NFIA: variants seen among roughly 807,000 people sequenced by gnomAD.
The protein encoded by NFIA is nuclear factor 1 A-type.
In NFIA, 8 loss-of-function variants were observed where a neutral mutation model predicts 62.8. The observed-to-expected ratio is 0.13, with a 90% CI of 0.07 to 0.23. The LOEUF (loss-of-function observed/expected upper bound fraction) is 0.23, where lower values mean the gene tolerates loss of function less well. Ranked by LOEUF, NFIA falls within the 10% of genes least tolerant of loss-of-function variation. The pLI is 1.00. For synonymous variants in NFIA, 235 were observed against 238.1 expected (o/e 0.99, Z 0.12); for missense variants, 410 against 642.1 (o/e 0.64, Z 3.91).
intron 2 of NFIA, among the ~76,000 whole-genome samples, chr1:61,093,017 A>G (rs1397310558): frequency 2.0e-5 from 3 of 152,198 alleles, no homozygotes; most frequent in African/African-American, 7.2e-5. Flanking sequence ...TGCATATAGA[A>G]TATTATAATT....
At chr1:61,177,111 A>G (rs2100556184) in intron 2 of NFIA, among the ~76,000 whole-genome samples, 1 of 147,596 alleles carries the variant, frequency 6.8e-6, no homozygotes, top group East Asian at 2.0e-4. Context: ...GTCTCAACCA[A>G]AAAAAAAAAA....
chr1:61,145,891 A>C (rs926500156), intron 2 of NFIA, among the ~76,000 whole-genome samples: 1 of 152,026 alleles, frequency 6.6e-6, no homozygotes, highest in African/African-American at 2.4e-5. Flanking sequence ...ATTTAATTCA[A>C]CTCTTCTTTG....
At chr1:61,385,720 C>T (rs1447199689) in intron 7 of NFIA, among the ~76,000 whole-genome samples, 1 of 152,134 alleles carries the variant, frequency 6.6e-6, no homozygotes, top group African/African-American at 2.4e-5. Flanking sequence ...TAAAATGACC[C>T]ACGCTGGGTT....
chr1:61,251,445 A>G (rs1277110892), intron 2 of NFIA: 2 of 152,154 alleles, frequency 1.3e-5, no homozygotes, highest in African/African-American at 4.8e-5. Context: ...CTTTATTTTT[A>G]TTGCTAGACA....
Position 61,346,356 on chromosome 1 carries a change from G to A in NFIA, c.701-6094G>A, listed in dbSNP as rs116069180. On this transcript the variant is annotated intron_variant, in intron 4 of 10. Coordinates refer to ENST00000403491, the MANE Select transcript of NFIA (RefSeq NM_001134673.4). ...TCAAAAACCCAATGTGATAACCTGG[G>A]CAGGCCAGAATTTATGTGACATTGG... is the stretch of plus-strand genomic sequence containing the variant. Among the ~76,000 whole-genome samples, 551 of 152,292 alleles carry A rather than the reference G, an allele frequency of 3.6e-3. 3 individuals are homozygous for A. The highest frequency in any genetic ancestry group is 0.012 in the African/African-American group (517 of 41,570).
rs1668589324 is a variant in NFIA, at chr1:61,462,608, T to G, written c.*7288T>G. On this transcript the variant is annotated 3_prime_UTR_variant, in exon 11 of 11. Coordinates refer to ENST00000403491, the MANE Select transcript of NFIA (RefSeq NM_001134673.4). ...AAATTTGTAATTGGTTGAGAATCAC[T>G]GTGGGCGTCCATTCTTATTCAACTA... 1 of 152,268 alleles carries G rather than the reference T, an allele frequency of 6.6e-6. No homozygotes were observed. Among genetic ancestry groups the G allele is most frequent in the South Asian group, 2.1e-4 (1 of 4,832 alleles). The allele number at this position is 152,268 out of a possible 1,614,324, so 9.4% of individuals were successfully genotyped here.
intron 3 of NFIA, among the ~76,000 whole-genome samples, chr1:61,327,162 G>T (rs2100380747): frequency 6.7e-6 from 1 of 148,932 alleles, no homozygotes; most frequent in African/African-American, 2.5e-5. Context: ...CTCAGTTTTA[G>T]TTTAAACTAT....
chr1:61,436,869 G>A (rs1311539223), intron 10 of NFIA, among the ~76,000 whole-genome samples: 1 of 152,150 alleles, frequency 6.6e-6, no homozygotes, highest in Non-Finnish European at 1.5e-5. Flanking sequence ...ACTTCTAATT[G>A]GCTTTTCACT....
Position 61,406,546 on chromosome 1 carries a change from C to CCG in NFIA, c.1255-15_1255-14insGC, listed in dbSNP as rs1665833573. 3 of 581,976 alleles carry CCG rather than the reference C, an allele frequency of 5.2e-6. No homozygotes were observed. Among genetic ancestry groups the CCG allele is most frequent in the Non-Finnish European group, 5.0e-6 (2 of 401,122 alleles). 36.1% of individuals were successfully genotyped at this position (581,976 alleles called of 1,614,324 possible). A position where few individuals can be genotyped will look rare whatever the true frequency, so the allele number is the denominator to read the frequency against. On this transcript the variant is annotated splice_polypyrimidine_tract_variant and intron_variant, in intron 8 of 10. Transcript: ENST00000403491. ...TTTTCTTGTACGTGTGTTTTCTGCC[C>CCG]CCCCCCCCCCCACAGCCCAATGGGA...
intron 2 of NFIA, among the ~76,000 whole-genome samples, chr1:61,147,912 A>G (rs1346317693): frequency 2.6e-5 from 4 of 152,160 alleles, no homozygotes; most frequent in African/African-American, 7.2e-5. Context: ...CAGAAGTCCA[A>G]CATTATCCTA....
At chr1:61,100,285 T>C (rs1275763527) in intron 2 of NFIA, among the ~76,000 whole-genome samples, 2 of 152,316 alleles carry the variant, frequency 1.3e-5, no homozygotes, top group East Asian at 1.9e-4. Flanking sequence ...TAGACCGTTA[T>C]CATTTCCATC....
At chr1:61,347,990 G>T (rs1190714793) in intron 4 of NFIA, among the ~76,000 whole-genome samples, 2 of 152,154 alleles carry the variant, frequency 1.3e-5, no homozygotes, top group Admixed American at 6.5e-5. Flanking sequence ...GTTTGAGAAT[G>T]AAATTAAGTA....
intron 9 of NFIA, among the ~76,000 whole-genome samples, chr1:61,419,856 C>A (rs1288866505): frequency 2.0e-5 from 3 of 152,170 alleles, no homozygotes; most frequent in Non-Finnish European, 2.9e-5. Flanking sequence ...TCTGTAATTA[C>A]TAGCGATAAG....
chr1:61,239,697 A>G (rs918002639), intron 2 of NFIA, among the ~76,000 whole-genome samples: 6 of 152,290 alleles, frequency 3.9e-5, no homozygotes, highest in African/African-American at 7.2e-5. Flanking sequence ...AGCAAATGCT[A>G]TGTCTTTAAA....
At chr1:61,448,114 G>A (rs1667899512) in intron 10 of NFIA, among the ~76,000 whole-genome samples, 1 of 151,910 alleles carries the variant, frequency 6.6e-6, no homozygotes, top group Non-Finnish European at 1.5e-5. Flanking sequence ...AACCAAAATA[G>A]GATTGTTTCT....
intron 2 of NFIA, among the ~76,000 whole-genome samples, chr1:61,204,122 C>A (rs957203509): frequency 6.6e-6 from 1 of 152,206 alleles, no homozygotes; most frequent in Non-Finnish European, 1.5e-5. Context: ...TGGACGGGGG[C>A]CTTTCTGCAT....
intron 3 of NFIA, among the ~76,000 whole-genome samples, chr1:61,279,088 T>G (rs2100280207): frequency 6.6e-6 from 1 of 152,344 alleles, no homozygotes; most frequent in African/African-American, 2.4e-5. Context: ...TTTCACCCAC[T>G]TTGAATGACC....
intron 2 of NFIA, among the ~76,000 whole-genome samples, chr1:61,267,242 C>T (rs919400669): frequency 1.3e-5 from 2 of 152,144 alleles, no homozygotes; most frequent in East Asian, 1.9e-4. Context: ...GGTGCCGTGG[C>T]TCATGCCTGT....
At chr1:61,368,440 A>G (rs1663711023) in intron 6 of NFIA, among the ~76,000 whole-genome samples, 1 of 152,240 alleles carries the variant, frequency 6.6e-6, no homozygotes, top group South Asian at 2.1e-4. Context: ...AAGAGGAAAA[A>G]GTACAAATTA....
Sources: allele counts gnomAD v4.1 joint callset (sites outside exome capture counted in the v4.1 genomes callset), GRCh38; gene constraint gnomAD v4.1.1; transcripts MANE v1.5; gene names NCBI Gene and HGNC (gene_info 2026-07-23, HGNC 2026-07-21).